The following PSMA2 variants were observed in gnomAD, a reference collection of about 807,000 sequenced individuals.
The protein encoded by PSMA2 is proteasome 20S subunit alpha 2.
A neutral mutation model predicts 35.9 loss-of-function variants in PSMA2; 2 were observed. The observed-to-expected ratio is 0.06, with a 90% CI of 0.02 to 0.18. The LOEUF (loss-of-function observed/expected upper bound fraction) is 0.18, where lower values mean the gene tolerates loss of function less well. Among genes scored for constraint, PSMA2 ranks in the 10% least tolerant of loss-of-function variants. The pLI, the probability that PSMA2 is intolerant of heterozygous loss-of-function variation, is 1.00. For synonymous variants in PSMA2, 97 were observed against 98.2 expected (o/e 0.99, Z 0.07); for missense variants, 126 against 278.8 (o/e 0.45, Z 3.90).
intron 6 of PSMA2, chr7:42,920,221 C>T (rs1182205482): frequency 6.0e-5 from 17 of 284,904 alleles, no homozygotes; most frequent in Non-Finnish European, 8.8e-5. Flanking sequence ...TATGAATTAG[C>T]TCCATTGCTG....
chr7:42,931,936 C>G (rs970160798), intron 1 of PSMA2, among the ~76,000 whole-genome samples, 182 bp downstream of exon 1: 1 of 152,162 alleles, frequency 6.6e-6, no homozygotes, highest in Non-Finnish European at 1.5e-5. Flanking sequence ...CAGCCTCCGA[C>G]CAAGGAAGCT....
rs192768125 is a variant in PSMA2, at chr7:42,919,116, G to A, written c.531-1281C>T. 3.9e-5 allele frequency: 17 copies of A among 435,660 alleles called. No individual in the cohort carries two copies. The East Asian group carries it at 4.7e-4, about 12-fold the overall frequency. 27.0% of individuals were successfully genotyped at this position (435,660 alleles called of 1,614,324 possible). ...TGGGATTACAGGCGTGAGCCACTGC[G>A]CCTGGCCAGTCTTATGAGTATTTCT... is the stretch of plus-strand genomic sequence containing the variant. On this transcript the variant is annotated intron_variant, in intron 6 of 7. Coordinates refer to ENST00000223321, the MANE Select transcript of PSMA2 (RefSeq NM_002787.5).
intron 6 of PSMA2, chr7:42,919,433 C>G (rs1786088768): frequency 1.8e-6 from 1 of 550,284 alleles, no homozygotes; most frequent in Admixed American, 2.0e-5. Flanking sequence ...ATGACTTGAA[C>G]AAACCCGAAG....
chr7:42,926,455 C>A (rs1786218571), intron 3 of PSMA2, 81 bp downstream of exon 3: 1 of 1,412,556 alleles, frequency 7.1e-7, no homozygotes, highest in African/African-American at 1.5e-5. Flanking sequence ...TAAAGGAAAA[C>A]AACCTTGGTT....
At chr7:42,918,572 C>A (rs1786069718) in intron 6 of PSMA2, 1 of 152,148 alleles carries the variant, frequency 6.6e-6, no homozygotes, top group South Asian at 2.1e-4. Context: ...CCTTCCCAGA[C>A]TCCCCAGCCC....
intron 4 of PSMA2, among the ~76,000 whole-genome samples, chr7:42,923,980 GAA>G (rs1786165721): frequency 1.3e-5 from 2 of 152,158 alleles, no homozygotes; most frequent in South Asian, 2.1e-4. Flanking sequence ...CCAAACTTAA[GAA>G]ACTGGGGAAT....
intron 4 of PSMA2, 78 bp downstream of exon 4, chr7:42,924,597 C>T: frequency 7.1e-7 from 1 of 1,416,762 alleles, no homozygotes; most frequent in East Asian, 2.5e-5. Context: ...GTAAGTCCCA[C>T]TCTATTTATA....
chr7:42,927,364 G>T lies in PSMA2; in HGVS notation c.118+19C>A, dbSNP rs762570283. On this transcript the variant is annotated intron_variant, in intron 2 of 7. Coordinates refer to ENST00000223321, the MANE Select transcript of PSMA2 (RefSeq NM_002787.5). ...ATAACTACTAACAGGCATCTGAAAT[G>T]AATGAAGCATTTCATTACCTTTAAT... The T allele has an allele frequency of 1.9e-6, 3 of 1,599,286 alleles. No individual in the cohort carries two copies. The highest frequency in any genetic ancestry group is 2.6e-6 in the Non-Finnish European group (3 of 1,166,672).
chr7:42,918,020 C>A (rs1786060593), intron 6 of PSMA2, 185 bp from the exon 7 acceptor site: 2 of 437,512 alleles, frequency 4.6e-6, no homozygotes, highest in African/African-American at 2.0e-5. Context: ...ATCTGGTGCT[C>A]AATTCCCAAC....
rs184832332 is a variant in PSMA2, at chr7:42,925,227, C to T, written c.252-430G>A. On this transcript the variant is annotated intron_variant, in intron 3 of 7. Coordinates refer to ENST00000223321, the MANE Select transcript of PSMA2 (RefSeq NM_002787.5). ...TTTCAATCTCTCTGCCTGTGCTTCACGGAGTACCCTTCAGAGATTAAGAAA... is the reference window on the plus strand; with the variant it reads ...TTTCAATCTCTCTGCCTGTGCTTCATGGAGTACCCTTCAGAGATTAAGAAA... Among the ~76,000 whole-genome samples, 6 of 152,288 alleles carry T rather than the reference C, an allele frequency of 3.9e-5. 1 individual carries two copies. Among genetic ancestry groups the T allele is most frequent in the African/African-American group, 1.4e-4 (6 of 41,550 alleles).
intron 4 of PSMA2, 108 bp downstream of exon 4, chr7:42,924,567 G>C: frequency 8.8e-7 from 1 of 1,131,230 alleles, no homozygotes; most frequent in South Asian, 1.6e-5. Context: ...CTGTCCACTT[G>C]TTAAGCAAAT....
At chr7:42,928,808 G>C (rs1786251537) in intron 1 of PSMA2, among the ~76,000 whole-genome samples, 1 of 152,088 alleles carries the variant, frequency 6.6e-6, no homozygotes, top group Non-Finnish European at 1.5e-5. Flanking sequence ...TCATTGACAA[G>C]CTAATCCCTC....
At chr7:42,922,845 T>C (rs1786146543) in intron 5 of PSMA2, among the ~76,000 whole-genome samples, 1 of 152,168 alleles carries the variant, frequency 6.6e-6, no homozygotes, top group Non-Finnish European at 1.5e-5. Flanking sequence ...TCTATTCAGA[T>C]ACCATTCTTC....
intron 6 of PSMA2, chr7:42,921,225 G>C (rs1291126279): frequency 6.6e-6 from 1 of 152,172 alleles, no homozygotes; most frequent in Non-Finnish European, 1.5e-5. Context: ...ACTGTATACA[G>C]GTATCAAAAT....
intron 2 of PSMA2, 83 bp from the exon 3 acceptor site, chr7:42,926,751 G>A (rs906626505): frequency 5.9e-6 from 8 of 1,362,388 alleles, no homozygotes; most frequent in African/African-American, 3.0e-5. Context: ...TGCGCTAAAC[G>A]CAAACTCCTT....
rs569477732 is a variant in PSMA2, at chr7:42,923,530, T to C, written c.375-124A>G. On this transcript the variant is annotated intron_variant, in intron 4 of 7. Transcript: ENST00000223321. ...AACTGAATTAGACTTTTAAGTTCCT[T>C]AGAAAGTATTTAACACCTTTCTGAA... 58 of 695,690 alleles carry C rather than the reference T, an allele frequency of 8.3e-5. No individual in the cohort carries two copies. The African/African-American group carries it at 9.0e-4, about 11-fold the overall frequency. The allele number at this position is 695,690 out of a possible 1,614,324, so 43.1% of individuals were successfully genotyped here.
At chr7:42,925,124 C>CACAT (rs10626570) in intron 3 of PSMA2, among the ~76,000 whole-genome samples, 149,903 of 152,214 alleles carry the variant, frequency 0.98, 73,862 homozygotes, top group Non-Finnish European at 1. Flanking sequence ...AGCCCACACA[C>CACAT]ACAAGCACAC....
chr7:42,932,086 T>G (rs1165244793), intron 1 of PSMA2, 32 bp downstream of exon 1: 2 of 1,613,872 alleles, frequency 1.2e-6, no homozygotes, highest in South Asian at 2.2e-5. Context: ...CAACCTCGAC[T>G]ACGCTGAAGA....
intron 1 of PSMA2, among the ~76,000 whole-genome samples, chr7:42,929,856 G>A (rs1786269424): frequency 1.3e-5 from 2 of 152,134 alleles, no homozygotes; most frequent in South Asian, 2.1e-4. Context: ...CATACATGCT[G>A]TTCCCTCTGT....
Sources: gnomAD v4.1 joint callset for allele counts (sites outside exome capture counted in the v4.1 genomes callset) on GRCh38, gnomAD v4.1.1 for gene constraint, MANE v1.5 for transcripts, NCBI Gene and HGNC (gene_info 2026-07-23, HGNC 2026-07-21) for gene names.